YARS1: variants seen among roughly 807,000 people sequenced by gnomAD.
YARS1 encodes the protein tyrosyl-tRNA synthetase 1.
Under a neutral mutation model 62.2 loss-of-function variants are expected in YARS1, and 36 were observed. The ratio of observed to expected loss-of-function variants is 0.58; its 90% CI spans 0.44 to 0.76. YARS1 has a LOEUF of 0.76. Ranked by LOEUF, YARS1 falls within the 30% of genes least tolerant of loss-of-function variation. The pLI, the probability that YARS1 is intolerant of heterozygous loss-of-function variation, is 0.00. For missense variants in YARS1, 524 were observed against 639.8 expected (o/e 0.82, Z 1.95); for synonymous variants, 234 against 244.9 (o/e 0.96, Z 0.42).
intron 4 of YARS1, among the ~76,000 whole-genome samples, chr1:32,800,586 C>G (rs1638259401): frequency 6.6e-6 from 1 of 151,620 alleles, no homozygotes; most frequent in South Asian, 2.1e-4. Context: ...TTGGTTTGTA[C>G]TTTTCTTTTT....
At chr1:32,812,047 G>A (rs1041804615) in intron 1 of YARS1, among the ~76,000 whole-genome samples, 2 of 152,120 alleles carry the variant, frequency 1.3e-5, no homozygotes, top group Middle Eastern at 3.4e-3. Context: ...TTTGAGACAA[G>A]GTCTTGCTAT....
At chr1:32,779,278 G>A (rs1557444918) in intron 12 of YARS1, 104 bp downstream of exon 12, 6 of 1,585,586 alleles carry the variant, frequency 3.8e-6, no homozygotes, top group Non-Finnish European at 5.2e-6. Context: ...CTCAAATGCA[G>A]GAAGTCCCAA....
chr1:32,806,164 C>T (rs1350904489), intron 4 of YARS1, among the ~76,000 whole-genome samples: 4 of 152,170 alleles, frequency 2.6e-5, no homozygotes, highest in African/African-American at 7.2e-5. Flanking sequence ...TATACGGGCA[C>T]AGTTTGTGGT....
chr1:32,802,041 G>A (rs1199185320), intron 4 of YARS1, among the ~76,000 whole-genome samples: 2 of 141,450 alleles, frequency 1.4e-5, no homozygotes, highest in East Asian at 2.3e-4. Flanking sequence ...TCCGCCTCCC[G>A]GGTTCACGCC....
At chr1:32,787,138 A>G (rs963328812) in intron 6 of YARS1, 63 bp from the exon 7 acceptor site, 47 of 1,603,022 alleles carry the variant, frequency 2.9e-5, no homozygotes, top group Admixed American at 2.0e-4. Flanking sequence ...CTCAACTAAT[A>G]TAAGTTAAAT....
intron 5 of YARS1, among the ~76,000 whole-genome samples, chr1:32,794,579 G>A (rs1286283041): frequency 4.6e-5 from 7 of 151,754 alleles, no homozygotes; most frequent in African/African-American, 1.5e-4. Flanking sequence ...TACTAGAGAC[G>A]GGGTTTCATC....
intron 6 of YARS1, among the ~76,000 whole-genome samples, chr1:32,788,869 G>A (rs1035839504): frequency 1.3e-5 from 2 of 152,148 alleles, no homozygotes; most frequent in Non-Finnish European, 2.9e-5. Context: ...CTGTTGCCCT[G>A]GCTGGAGTGT....
At chr1:32,811,206 G>T in intron 1 of YARS1, 149 bp from the exon 2 acceptor site, 2 of 1,162,832 alleles carry the variant, frequency 1.7e-6, no homozygotes, top group Non-Finnish European at 2.6e-6. Flanking sequence ...GTGCAGATGT[G>T]ATACCCTACC....
chr1:32,780,032 C>T, intron 11 of YARS1, 53 bp downstream of exon 11: 1 of 1,607,190 alleles, frequency 6.2e-7, no homozygotes, highest in Non-Finnish European at 8.5e-7. Context: ...GGCTGATTCC[C>T]TACTCTTCCT....
chr1:32,776,523 ACATT>A lies in YARS1; in HGVS notation c.1477-436_1477-433del, dbSNP rs1336331080. On this transcript the variant is annotated intron_variant, in intron 12 of 12. Coordinates refer to ENST00000373477, the MANE Select transcript of YARS1 (RefSeq NM_003680.4). This position sits in a 1 kb window ranked among gnomAD's most constrained non-coding sequence, Gnocchi z 4.0. The stretch of plus-strand genomic sequence containing the variant: ...TAAGAAATGTTTGTCAAAAGCTTTC[ACATT>A]CATCTTTTGACTCAAGTAAGTTCAT... Among the ~76,000 whole-genome samples the A allele has an allele frequency of 2.6e-5, 4 of 152,224 alleles. No homozygotes were observed. The highest frequency in any genetic ancestry group is 5.9e-5 in the Non-Finnish European group (4 of 68,036).
intron 4 of YARS1, among the ~76,000 whole-genome samples, chr1:32,803,643 T>C (rs1014531630): frequency 3.3e-5 from 5 of 152,214 alleles, no homozygotes; most frequent in Non-Finnish European, 7.3e-5. Flanking sequence ...TGAAAATCCA[T>C]TGTTGAGTGT....
intron 12 of YARS1, among the ~76,000 whole-genome samples, chr1:32,777,863 CAA>C (rs145470920): frequency 6.6e-6 from 1 of 152,046 alleles, no homozygotes; most frequent in Admixed American, 6.6e-5. Flanking sequence ...CCAAGCATAG[CAA>C]AAGACCAGAA....
At chr1:32,791,034 A>C in intron 6 of YARS1, 128 bp downstream of exon 6, 1 of 866,636 alleles carries the variant, frequency 1.2e-6, no homozygotes. Context: ...AACTAATTGA[A>C]TGGTGTAAGG....
intron 5 of YARS1, among the ~76,000 whole-genome samples, chr1:32,792,894 A>G (rs1653461010): frequency 6.6e-6 from 1 of 151,228 alleles, no homozygotes; most frequent in South Asian, 2.1e-4. Context: ...AAAAATAAAA[A>G]TAAAAATAAA....
rs1324134620 is a variant in YARS1, at chr1:32,811,047, C to T, written c.68G>A (p.Gly23Glu). ...CAGTATCTCCTTCAGCTTCTCTTCC[C>T]CCAGAACCTCCTATTGTGGAAGCAG... ...LITRNLQEVL[G>E]EEKLKEILKE... is the part of the protein sequence containing the mutation. The change falls in exon 2 of 13, where the codon GGG becomes GAG. Residue 23 changes from glycine to glutamate, a missense_variant. Gly to Glu is a moderately conservative substitution (Grantham distance 98, BLOSUM62 -2). Coordinates refer to ENST00000373477, the MANE Select transcript of YARS1 (RefSeq NM_003680.4). The T allele has an allele frequency of 1.9e-6, 3 of 1,614,016 alleles. No individual in the cohort carries two copies. Among genetic ancestry groups the T allele is most frequent in the African/African-American group, 1.3e-5 (1 of 74,916 alleles).
chr1:32,782,672 G>A (rs1653099367), intron 8 of YARS1, 133 bp from the exon 9 acceptor site: 7 of 1,226,180 alleles, frequency 5.7e-6, no homozygotes, highest in Non-Finnish European at 5.8e-6. Context: ...TGTGAGGCAG[G>A]TAGGAGAAGG....
intron 3 of YARS1, among the ~76,000 whole-genome samples, chr1:32,808,279 G>GTT (rs1309070904): frequency 6.6e-6 from 1 of 151,252 alleles, no homozygotes; most frequent in East Asian, 1.9e-4. Context: ...GAGTGCAGTG[G>GTT]TGCGATCTCG....
chr1:32,779,313 G>A, intron 12 of YARS1, 69 bp downstream of exon 12: 4 of 1,613,062 alleles, frequency 2.5e-6, no homozygotes, highest in Non-Finnish European at 3.4e-6. Context: ...TATGGCTTCA[G>A]TAACAGGACA....
At chr1:32,787,139 T>C (rs76172167) in intron 6 of YARS1, 64 bp from the exon 7 acceptor site, 6 of 1,602,158 alleles carry the variant, frequency 3.7e-6, no homozygotes, top group South Asian at 3.3e-5. Flanking sequence ...TCAACTAATA[T>C]AAGTTAAATT....
Sources: allele counts gnomAD v4.1 joint callset (sites outside exome capture counted in the v4.1 genomes callset), GRCh38; gene constraint gnomAD v4.1.1; non-coding constraint Gnocchi (gnomAD v3.1); transcripts MANE v1.5; gene names NCBI Gene and HGNC (gene_info 2026-07-23, HGNC 2026-07-21).